The following SLCO3A1 variants were observed in gnomAD, a reference collection of about 807,000 sequenced individuals.
SLCO3A1 encodes the protein PGE1 transporter.
SLCO3A1 carries 27 observed loss-of-function variants against 63.1 expected under a neutral mutation model. The observed-to-expected ratio is 0.43, with a 90% confidence interval of 0.32 to 0.59. SLCO3A1 has a LOEUF of 0.59. Ranked by LOEUF, SLCO3A1 falls within the 20% of genes least tolerant of loss-of-function variation. SLCO3A1 has a pLI of 0.09. For synonymous variants in SLCO3A1, 473 were observed against 409.9 expected, an observed-to-expected ratio of 1.15 and a Z score of -1.86; for missense variants, 773 against 945.8, an observed-to-expected ratio of 0.82 and a Z score of 2.40.
At chr15:92,062,006 C>T (rs938690316) in intron 2 of SLCO3A1, among the ~76,000 whole-genome samples, 1 of 152,182 alleles carries the variant, frequency 6.6e-6, no homozygotes, top group Non-Finnish European at 1.5e-5. Flanking sequence ...TCACACCCAG[C>T]CCTCCCTGGA....
At chr15:91,932,612 G>A (rs1899275471) in intron 2 of SLCO3A1, among the ~76,000 whole-genome samples, 1 of 151,968 alleles carries the variant, frequency 6.6e-6, no homozygotes, top group Non-Finnish European at 1.5e-5. Flanking sequence ...CCAGCTAATT[G>A]TTGTAAGTTT....
intron 2 of SLCO3A1, among the ~76,000 whole-genome samples, chr15:91,951,968 A>G (rs1177104876): frequency 2.0e-5 from 3 of 152,138 alleles, no homozygotes; most frequent in African/African-American, 7.2e-5. Flanking sequence ...AGGAACTGCT[A>G]AACTGTCTTC....
rs2151568549 is a variant in SLCO3A1 at position 92,128,468 on chromosome 15, C to T, written c.1491C>T (p.Cys497=). Residue 497 remains cysteine (C), a synonymous_variant, in exon 7 of 10, where the codon TGC becomes TGT. Transcript: ENST00000318445. ...GADGITYLSA[C]FAGCNSTNLT... is the part of the protein sequence containing the mutation. ...ATGGCATCACCTACCTGTCTGCCTG[C>T]TTTGCTGGCTGCAACAGCACGGTAA... 3 of 1,613,820 alleles carry T rather than the reference C, an allele frequency of 1.9e-6. No individual in the cohort carries two copies. The East Asian group carries it at 6.7e-5, about 36-fold the overall frequency.
At chr15:91,938,474 T>G (rs925139548) in intron 2 of SLCO3A1, among the ~76,000 whole-genome samples, 9 of 126,362 alleles carry the variant, frequency 7.1e-5, no homozygotes, top group East Asian at 3.1e-4. Context: ...TAAACATTGG[T>G]TTTTTTTGTT....
intron 2 of SLCO3A1, among the ~76,000 whole-genome samples, chr15:91,931,996 C>T (rs1332715370): frequency 6.6e-6 from 1 of 152,190 alleles, no homozygotes; most frequent in Non-Finnish European, 1.5e-5. Context: ...AGTTTGTAGT[C>T]TGCAGTGGTG....
At chr15:91,959,258 C>T (rs922037979) in intron 2 of SLCO3A1, among the ~76,000 whole-genome samples, 1 of 151,924 alleles carries the variant, frequency 6.6e-6, no homozygotes, top group African/African-American at 2.4e-5. Context: ...ATATAATGGA[C>T]TCTGGGGACT....
intron 5 of SLCO3A1, among the ~76,000 whole-genome samples, chr15:92,121,404 C>T (rs1235996507): frequency 1.3e-5 from 2 of 152,168 alleles, no homozygotes; most frequent in Admixed American, 6.5e-5. Context: ...TCAACAATGG[C>T]TCTCAGGTTT....
intron 7 of SLCO3A1, among the ~76,000 whole-genome samples, chr15:92,132,520 T>G (rs763027970): frequency 6.9e-6 from 1 of 145,022 alleles, no homozygotes; most frequent in Non-Finnish European, 1.5e-5. Context: ...TTTCTGTACC[T>G]TTCACTTTCA....
chr15:91,860,812 A>G lies in SLCO3A1; in HGVS notation c.180+6724A>G, dbSNP rs1897029966. 6.6e-6 allele frequency among the ~76,000 whole-genome samples: 1 copy of G among 152,064 alleles called. No individual in the cohort carries two copies. Among genetic ancestry groups the G allele is most frequent in the Non-Finnish European group, 1.5e-5 (1 of 68,006 alleles). ...CTGCCTTCACCTCGTGTTCTCTTGC[A>G]GTATTAAGTGGACTCTGGCAAGCAG... On this transcript the variant is annotated intron_variant, in intron 1 of 9. Coordinates refer to ENST00000318445, the MANE Select transcript of SLCO3A1 (RefSeq NM_013272.4). This position sits in a 1 kb window ranked among gnomAD's most constrained non-coding sequence, Gnocchi z 5.5.
At chr15:91,880,676 T>C (rs2151345219) in intron 1 of SLCO3A1, among the ~76,000 whole-genome samples, 1 of 152,292 alleles carries the variant, frequency 6.6e-6, no homozygotes, top group East Asian at 1.9e-4. Context: ...CCATCCAAGT[T>C]GTTGCATATA....
At chr15:91,908,201 T>C (rs983008059) in intron 1 of SLCO3A1, among the ~76,000 whole-genome samples, 1 of 151,820 alleles carries the variant, frequency 6.6e-6, no homozygotes, top group Admixed American at 6.6e-5. Flanking sequence ...TCCACTGTAA[T>C]CCCCACCCCC....
chr15:92,127,984 G>C (rs1217796889), intron 6 of SLCO3A1, among the ~76,000 whole-genome samples: 1 of 152,152 alleles, frequency 6.6e-6, no homozygotes, highest in Non-Finnish European at 1.5e-5. Flanking sequence ...CGTGGAGGGG[G>C]TGGCCCTGAG....
Position 91,941,657 on chromosome 15 carries a change from G to A in SLCO3A1, c.646+25199G>A, listed in dbSNP as rs1597141412. The A allele has an allele frequency of 2.6e-6, 1 of 391,554 alleles. No individual in the cohort carries two copies. Among genetic ancestry groups the A allele is most frequent in the South Asian group, 1.8e-5 (1 of 54,174 alleles). The allele number at this position is 391,554 out of a possible 1,614,324, so 24.3% of individuals were successfully genotyped here. A position where few individuals can be genotyped will look rare whatever the true frequency, so the allele number is the denominator to read the frequency against. ...ATGGGTTTTGTACTTTTTCTTACTCGGGATGTTTGTTTCTCTTTGTCTTTA... is the reference window on the plus strand; with the variant it reads ...ATGGGTTTTGTACTTTTTCTTACTCAGGATGTTTGTTTCTCTTTGTCTTTA... On this transcript the variant is annotated intron_variant, in intron 2 of 9. Transcript: ENST00000318445. This position sits in a 1 kb window ranked among gnomAD's most constrained non-coding sequence, Gnocchi z 4.4.
intron 2 of SLCO3A1, among the ~76,000 whole-genome samples, chr15:92,053,032 T>C (rs1305082307): frequency 1.3e-5 from 2 of 152,204 alleles, no homozygotes; most frequent in East Asian, 1.9e-4. Context: ...AGCCCTTTTA[T>C]CTAACAGCCC....
chr15:92,137,100 T>C (rs1224668806), intron 7 of SLCO3A1, among the ~76,000 whole-genome samples: 1 of 146,922 alleles, frequency 6.8e-6, no homozygotes, highest in Admixed American at 6.8e-5. Context: ...ATTAGGTATA[T>C]CTCCCAATGC....
At chr15:91,959,723 CAAAAAAAA>C (rs34759500) in intron 2 of SLCO3A1, among the ~76,000 whole-genome samples, 1 of 71,988 alleles carries the variant, frequency 1.4e-5, no homozygotes, top group Non-Finnish European at 2.7e-5. Context: ...GACTCCATCT[CAAAAAAAA>C]AAAAAAAAAA....
chr15:92,047,551 AATATATAAAT>A (rs1298430527), intron 2 of SLCO3A1, among the ~76,000 whole-genome samples: 4 of 10,050 alleles, frequency 4.0e-4, no homozygotes, highest in African/African-American at 2.3e-3. Flanking sequence ...ATAATATATA[AATATATAAAT>A]ATATATATAA....
intron 2 of SLCO3A1, among the ~76,000 whole-genome samples, chr15:91,921,436 A>G (rs537056201): frequency 2.4e-4 from 37 of 152,340 alleles, no homozygotes; most frequent in African/African-American, 8.7e-4. Flanking sequence ...ACAGACACCA[A>G]AGAGATTAGT....
chr15:91,981,767 C>G (rs1173945940), intron 2 of SLCO3A1, among the ~76,000 whole-genome samples: 1 of 152,174 alleles, frequency 6.6e-6, no homozygotes, highest in African/African-American at 2.4e-5. Context: ...GATCCCCCTG[C>G]CACAGAGTGT....
Sources: gnomAD v4.1 joint callset for allele counts (sites outside exome capture counted in the v4.1 genomes callset) on GRCh38, gnomAD v4.1.1 for gene constraint, Gnocchi (gnomAD v3.1) non-coding constraint, MANE v1.5 for transcripts, NCBI Gene and HGNC (gene_info 2026-07-23, HGNC 2026-07-21) for gene names.